The following MECOM variants were observed in gnomAD, a reference collection of about 807,000 sequenced individuals.
MECOM encodes the protein histone-lysine N-methyltransferase MECOM.
MECOM carries 13 observed loss-of-function variants against 116.3 expected under a neutral mutation model. That is an observed-to-expected ratio of 0.11 (90% CI 0.07 to 0.18). The LOEUF (loss-of-function observed/expected upper bound fraction) is 0.18. MECOM is among the 10% of genes least tolerant of loss of function. The pLI is 1.00. For synonymous variants in MECOM, 528 were observed against 535.2 expected (o/e 0.99, Z 0.19); for missense variants, 1,299 against 1,509.0 (o/e 0.86, Z 2.31).
At chr3:169,360,414 G>A (rs1728103222) in intron 2 of MECOM, among the ~76,000 whole-genome samples, 2 of 145,746 alleles carry the variant, frequency 1.4e-5, no homozygotes, top group Non-Finnish European at 3.0e-5. Context: ...AGCTTTAGAT[G>A]TGAAAAGCTG....
intron 1 of MECOM, among the ~76,000 whole-genome samples, chr3:169,550,239 G>A (rs866098476): frequency 6.6e-6 from 1 of 152,158 alleles, no homozygotes. Context: ...TGTCTACTGG[G>A]TCTTTTTCCA....
chr3:169,528,668 T>C (rs1237452515), intron 1 of MECOM, among the ~76,000 whole-genome samples: 1 of 152,250 alleles, frequency 6.6e-6, no homozygotes, highest in East Asian at 1.9e-4. Context: ...TGAACTTCAT[T>C]TATTTACAGA....
intron 2 of MECOM, among the ~76,000 whole-genome samples, chr3:169,288,655 T>G (rs9837965): frequency 0.087 from 13,252 of 152,112 alleles, 1,538 homozygotes; most frequent in African/African-American, 0.26. Flanking sequence ...CTATGGGGTT[T>G]TGTTGTTGTC....
Position 169,122,667 on chromosome 3 carries a change from G to C in MECOM, c.891C>G (p.Pro297=), listed in dbSNP as rs779719118. The C allele has an allele frequency of 2.6e-5, 42 of 1,613,874 alleles. No individual in the cohort carries two copies. Among genetic ancestry groups the C allele is most frequent in the Non-Finnish European group, 3.3e-5 (39 of 1,179,926 alleles). ...EEREYKCDQC[P]KAFNWKSNLI... is the part of the protein sequence containing the mutation. ...AATTGGACTTCCAGTTAAATGCCTT[G>C]GGACACTGATCACACTTGTATTCCC... The change falls in exon 6 of 17, where the codon CCC becomes CCG. Residue 297 remains proline (P), a synonymous_variant. Coordinates refer to ENST00000651503, the MANE Select transcript of MECOM (RefSeq NM_004991.4).
At chr3:169,092,506 A>C (rs910861976) in intron 14 of MECOM, among the ~76,000 whole-genome samples, 18 of 152,028 alleles carry the variant, frequency 1.2e-4, no homozygotes, top group African/African-American at 4.1e-4. Flanking sequence ...TATATAATTT[A>C]TGATGTATAA....
intron 2 of MECOM, among the ~76,000 whole-genome samples, chr3:169,268,293 A>T (rs1221846857): frequency 6.6e-6 from 1 of 152,194 alleles, no homozygotes; most frequent in Non-Finnish European, 1.5e-5. Flanking sequence ...GAAAAATGTT[A>T]TCTGAAATCC....
At chr3:169,582,992 A>G (rs1306090666) in intron 1 of MECOM, among the ~76,000 whole-genome samples, 1 of 152,250 alleles carries the variant, frequency 6.6e-6, no homozygotes, top group East Asian at 1.9e-4. Context: ...ATATACACAC[A>G]TAGAACAAAT....
At chr3:169,322,997 T>TAAAAAAAAAAAAAAA (rs748984561) in intron 2 of MECOM, among the ~76,000 whole-genome samples, 14 of 56,050 alleles carry the variant, frequency 2.5e-4, no homozygotes, top group East Asian at 4.9e-4. Flanking sequence ...AAGACTCCGG[T>TAAAAAAAAAAAAAAA]AAAAAAAAAA....
intron 1 of MECOM, among the ~76,000 whole-genome samples, chr3:169,441,496 G>A (rs943840123): frequency 3.3e-5 from 5 of 151,934 alleles, no homozygotes; most frequent in African/African-American, 1.2e-4. Flanking sequence ...TCAAAAAATA[G>A]AAAGACTATA....
chr3:169,136,338 A>G (rs1736354679), intron 3 of MECOM, among the ~76,000 whole-genome samples: 1 of 151,456 alleles, frequency 6.6e-6, no homozygotes, highest in African/African-American at 2.4e-5. Context: ...TCTCATGTAT[A>G]TAATTCTATA....
chr3:169,141,330 C>A (rs1738050652), intron 3 of MECOM, among the ~76,000 whole-genome samples: 1 of 151,998 alleles, frequency 6.6e-6, no homozygotes, highest in South Asian at 2.1e-4. Context: ...TAGAGCGTTC[C>A]ATTTGCTTTT....
intron 1 of MECOM, among the ~76,000 whole-genome samples, chr3:169,560,853 T>C (rs1294584440): frequency 1.3e-5 from 2 of 152,072 alleles, no homozygotes; most frequent in Non-Finnish European, 2.9e-5. Flanking sequence ...GATAGTAGAA[T>C]TTTGGGTGAC....
rs375683377 is a variant in MECOM at position 169,095,143 on chromosome 3, A to G, written c.2952T>C (p.Asp984=). Residue 984 remains aspartate (D), a synonymous_variant, in exon 13 of 17, where the codon GAT becomes GAC. Coordinates refer to ENST00000651503, the MANE Select transcript of MECOM (RefSeq NM_004991.4). ...KEKPFKCHLC[D]RCFGQQTNLD... ...AATTGGTTTGTTGACCAAAACACCT[A>G]TCACATAAGTGACACTTAAATGGCT... The G allele has an allele frequency of 2.9e-5, 46 of 1,613,526 alleles. No individual in the cohort carries two copies. Among genetic ancestry groups the G allele is most frequent in the East Asian group, 4.5e-5 (2 of 44,820 alleles).
chr3:169,395,423 T>C (rs1318846019), intron 1 of MECOM, among the ~76,000 whole-genome samples: 1 of 152,134 alleles, frequency 6.6e-6, no homozygotes, highest in Non-Finnish European at 1.5e-5. Context: ...GTGTCCTTAG[T>C]CTGCTTAAAG....
At chr3:169,307,103 G>A (rs1431689706) in intron 2 of MECOM, among the ~76,000 whole-genome samples, 1 of 152,028 alleles carries the variant, frequency 6.6e-6, no homozygotes, top group Non-Finnish European at 1.5e-5. Flanking sequence ...TCATATCATT[G>A]GGCATGGTTC....
intron 2 of MECOM, among the ~76,000 whole-genome samples, chr3:169,240,409 G>C (rs1419960517): frequency 6.6e-6 from 1 of 152,112 alleles, no homozygotes; most frequent in African/African-American, 2.4e-5. Flanking sequence ...TTTATAGACT[G>C]TGTTTTTGAA....
Position 169,115,746 on chromosome 3 carries a change from G to A in MECOM, c.2126C>T (p.Pro709Leu). 1 of 1,614,148 alleles carries A rather than the reference G, an allele frequency of 6.2e-7. No homozygotes were observed. Residue 709 changes from proline to leucine, a missense_variant, in exon 8 of 17, where the codon CCA (proline) becomes CTA (leucine). Coordinates refer to ENST00000651503, the MANE Select transcript of MECOM (RefSeq NM_004991.4). ...CGATCTCAAGTCTCTATCAGGAAAT[G>A]GGTACATTGATTGAGAGAATGCTGG... ...FFPAFSQSMY[P>L]FPDRDLRSLP... is the part of the protein sequence containing the mutation.
intron 1 of MECOM, among the ~76,000 whole-genome samples, chr3:169,531,467 C>T (rs532636525): frequency 5.3e-5 from 8 of 152,286 alleles, no homozygotes; most frequent in African/African-American, 1.9e-4. Flanking sequence ...TCTCATATGA[C>T]CCTCTCCATA....
At chr3:169,355,832 CTT>C in intron 2 of MECOM, among the ~76,000 whole-genome samples, 1 of 148,830 alleles carries the variant, frequency 6.7e-6, no homozygotes, top group African/African-American at 2.5e-5. Flanking sequence ...AGAATATCAT[CTT>C]TTTTTTTTCC....
Sources: gnomAD v4.1 joint callset for allele counts (sites outside exome capture counted in the v4.1 genomes callset) on GRCh38, gnomAD v4.1.1 for gene constraint, MANE v1.5 for transcripts, NCBI Gene and HGNC (gene_info 2026-07-23, HGNC 2026-07-21) for gene names.